Variants in PDE1C observed in about 807,000 individuals in gnomAD.
PDE1C encodes phosphodiesterase 1C.
A neutral mutation model predicts 93.1 loss-of-function variants in PDE1C; 62 were observed. The ratio of observed to expected loss-of-function variants is 0.67; its 90% CI spans 0.54 to 0.82. The LOEUF is 0.82. Ranked by LOEUF, PDE1C falls within the 40% of genes least tolerant of loss-of-function variation. The pLI, the probability that PDE1C is intolerant of heterozygous loss-of-function variation, is 0.00. For synonymous variants in PDE1C, 325 were observed against 310.1 expected (o/e 1.05, Z -0.50); for missense variants, 742 against 884.6 (o/e 0.84, Z 2.04).
the PDE1C span, among the ~76,000 whole-genome samples, chr7:31,720,346 G>A: frequency 6.6e-6 from 1 of 152,136 alleles, no homozygotes; most frequent in South Asian, 2.1e-4. Flanking sequence ...CTTGAGAGCA[G>A]GGTCAGAAAG....
At chr7:31,987,816 A>C (rs1783615512) in intron 2 of PDE1C, among the ~76,000 whole-genome samples, 1 of 152,222 alleles carries the variant, frequency 6.6e-6, no homozygotes, top group Admixed American at 6.5e-5. Flanking sequence ...TCTGGTGCGG[A>C]AAACTGTAAT....
At chr7:31,642,744 G>C in the PDE1C span, 1 of 1,614,006 alleles carries the variant, frequency 6.2e-7, no homozygotes, top group Non-Finnish European at 8.5e-7. Context: ...CAAGAGATCA[G>C]AGCCACAGCT....
intron 1 of PDE1C, among the ~76,000 whole-genome samples, chr7:32,292,336 T>C (rs549728257): frequency 2.6e-5 from 4 of 152,312 alleles, no homozygotes; most frequent in African/African-American, 9.6e-5. Flanking sequence ...TACGACATTG[T>C]ACTGCAGATC....
chr7:31,977,229 G>A (rs545060591), intron 2 of PDE1C, among the ~76,000 whole-genome samples: 1 of 151,998 alleles, frequency 6.6e-6, no homozygotes, highest in Non-Finnish European at 1.5e-5. Context: ...CCCCATGAAG[G>A]GACTAAGAAG....
At chr7:32,243,323 G>T (rs1448986845) in intron 1 of PDE1C, among the ~76,000 whole-genome samples, 2 of 152,222 alleles carry the variant, frequency 1.3e-5, no homozygotes, top group South Asian at 4.1e-4. Flanking sequence ...ACAAGGCAGG[G>T]AGAATGGGGA....
At chr7:31,895,777 C>T (rs58350964) in intron 2 of PDE1C, among the ~76,000 whole-genome samples, 3,001 of 152,050 alleles carry the variant, frequency 0.02, 104 homozygotes, top group African/African-American at 0.069. Context: ...TCATGAACAC[C>T]GATGATTTTA....
chr7:32,161,311 G>A (rs1337729476), intron 3 of PDE1C, among the ~76,000 whole-genome samples: 1 of 152,134 alleles, frequency 6.6e-6, no homozygotes, highest in Admixed American at 6.5e-5. Context: ...AGTTGTGGAG[G>A]TATCCAAGAG....
At chr7:32,223,830 G>A (rs1807058210) in intron 1 of PDE1C, among the ~76,000 whole-genome samples, 1 of 152,110 alleles carries the variant, frequency 6.6e-6, no homozygotes, top group Non-Finnish European at 1.5e-5. Flanking sequence ...CCTCCGTCTT[G>A]TCCTATCCTG....
At chr7:32,063,820 A>G (rs1795081145) in intron 1 of PDE1C, among the ~76,000 whole-genome samples, 2 of 152,174 alleles carry the variant, frequency 1.3e-5, no homozygotes, top group Admixed American at 6.5e-5. Context: ...TTAGTCAGCA[A>G]TTAATTATTG....
At chr7:32,361,430 T>C (rs1029843544) in intron 1 of PDE1C, among the ~76,000 whole-genome samples, 8 of 152,186 alleles carry the variant, frequency 5.3e-5, no homozygotes, top group African/African-American at 1.9e-4. Context: ...TTTTGGATGG[T>C]TTATGAGTAC....
At chr7:32,347,582 G>A (rs1783879459) in intron 1 of PDE1C, among the ~76,000 whole-genome samples, 1 of 152,122 alleles carries the variant, frequency 6.6e-6, no homozygotes, top group African/African-American at 2.4e-5. Context: ...TCATGGGTGG[G>A]CCTGACTTAA....
chr7:32,326,586 C>T (rs550775210), intron 1 of PDE1C, among the ~76,000 whole-genome samples: 1 of 152,284 alleles, frequency 6.6e-6, no homozygotes, highest in African/African-American at 2.4e-5. Flanking sequence ...AGGACTAATA[C>T]TTGACTATTA....
At chr7:32,013,786 A>G (rs906080026) in intron 2 of PDE1C, among the ~76,000 whole-genome samples, 2 of 152,354 alleles carry the variant, frequency 1.3e-5, no homozygotes, top group Admixed American at 1.3e-4. Flanking sequence ...ATGTTAGCAC[A>G]GGTCTTTGAA....
intron 1 of PDE1C, among the ~76,000 whole-genome samples, chr7:32,216,274 A>G (rs1806426494): frequency 6.6e-6 from 1 of 152,092 alleles, no homozygotes; most frequent in South Asian, 2.1e-4. Flanking sequence ...ACAGGTCCCA[A>G]CTGCCCCCTT....
At chr7:32,213,297 C>T (rs892425280) in intron 1 of PDE1C, among the ~76,000 whole-genome samples, 1 of 152,114 alleles carries the variant, frequency 6.6e-6, no homozygotes, top group Non-Finnish European at 1.5e-5. Context: ...ACACAAGGCC[C>T]CCGTCCCACA....
the PDE1C span, among the ~76,000 whole-genome samples, chr7:31,673,543 T>A: frequency 6.6e-6 from 1 of 152,162 alleles, no homozygotes; most frequent in African/African-American, 2.4e-5. Context: ...CTCATGTGTT[T>A]TAAAATTTTA....
chr7:32,380,726 C>T (rs112170470), intron 1 of PDE1C, among the ~76,000 whole-genome samples: 6 of 152,222 alleles, frequency 3.9e-5, no homozygotes, highest in East Asian at 1.9e-4. Context: ...TGCACCTCCC[C>T]GGTTTCTGGA....
At chr7:32,159,525 G>A (rs1050795078) in intron 3 of PDE1C, among the ~76,000 whole-genome samples, 1 of 152,158 alleles carries the variant, frequency 6.6e-6, no homozygotes, top group Non-Finnish European at 1.5e-5. Flanking sequence ...TGTAAGGGGT[G>A]ACATATGGTG....
chr7:31,713,921 C>T, the PDE1C span, among the ~76,000 whole-genome samples: 3 of 152,260 alleles, frequency 2.0e-5, no homozygotes, highest in Middle Eastern at 3.4e-3. Flanking sequence ...TTCCTTCCTA[C>T]GTCTCCAAAC....
Sources: allele counts gnomAD v4.1 joint callset (sites outside exome capture counted in the v4.1 genomes callset), GRCh38; gene constraint gnomAD v4.1.1; transcripts MANE v1.5; gene names NCBI Gene and HGNC (gene_info 2026-07-23, HGNC 2026-07-21).